Variants in UGGT1 observed in about 807,000 individuals in gnomAD.
UGGT1 encodes the protein UDP-glucose:glycoprotein glucosyltransferase 1.
Under a neutral mutation model 203.9 loss-of-function variants are expected in UGGT1, and 107 were observed. The ratio of observed to expected loss-of-function variants is 0.52; its 90% CI spans 0.45 to 0.62. UGGT1 has a LOEUF of 0.62. UGGT1 is among the 20% of genes least tolerant of loss of function. The pLI, the probability that UGGT1 is intolerant of heterozygous loss-of-function variation, is 0.00. For missense variants in UGGT1, 1,673 were observed against 1,867.2 expected, an observed-to-expected ratio of 0.90 and a Z score of 1.92; for synonymous variants, 628 against 653.5, an observed-to-expected ratio of 0.96 and a Z score of 0.59.
chr2:128,142,972 C>T (rs1375782404), intron 16 of UGGT1, 122 bp from the exon 17 acceptor site: 11 of 1,043,110 alleles, frequency 1.1e-5, no homozygotes, highest in South Asian at 8.2e-5. Context: ...AGCAAAACTC[C>T]GTCTCAAAAA....
intron 18 of UGGT1, among the ~76,000 whole-genome samples, chr2:128,147,043 A>T (rs1445372397): frequency 6.6e-6 from 1 of 152,202 alleles, no homozygotes; most frequent in Non-Finnish European, 1.5e-5. Flanking sequence ...ACCATGAATG[A>T]CAAAGACACT....
chr2:128,101,902 G>T (rs760579540), intron 2 of UGGT1, among the ~76,000 whole-genome samples: 16 of 152,092 alleles, frequency 1.1e-4, no homozygotes, highest in Non-Finnish European at 2.1e-4. Context: ...CTATCTTGTG[G>T]GCATTCATTC....
intron 3 of UGGT1, among the ~76,000 whole-genome samples, chr2:128,106,216 CTTTATT>C (rs1214301140): frequency 6.8e-6 from 1 of 147,730 alleles, no homozygotes; most frequent in Non-Finnish European, 1.5e-5. Flanking sequence ...TCAAAAAATA[CTTTATT>C]TTTAAGATTT....
At position 128,169,048 on chromosome 2, in the gene UGGT1, TAAAAAAAAAAAAAAA is replaced by T. The variant is rs544381740; in HGVS notation, c.2922-1211_2922-1197del. 6.1e-4 allele frequency among the ~76,000 whole-genome samples: 32 copies of T among 52,566 alleles called. 2 individuals are homozygous for T. Among genetic ancestry groups the T allele is most frequent in the East Asian group, 2.4e-3 (4 of 1,680 alleles). 34.5% of individuals were successfully genotyped at this position (52,566 alleles called of 152,430 possible). ...GGGTGAATGAGCGAGACTCTGTCTT[TAAAAAAAAAAAAAAA>T]AAAAAAAAAAAAAAAAAAAAAAAAA... On this transcript the variant is annotated intron_variant, in intron 26 of 40. Coordinates refer to ENST00000259253, the MANE Select transcript of UGGT1 (RefSeq NM_020120.4).
chr2:128,134,046 C>CA lies in UGGT1; in HGVS notation c.1497+786_1497+787insA, dbSNP rs980433927. On this transcript the variant is annotated intron_variant, in intron 14 of 40. Transcript: ENST00000259253. ...TTCTTGTCTGTCTCTTTTCTTCCCC[C>CA]CACTCCCGCAGAAAGAGTCTTGCTC... Among the ~76,000 whole-genome samples the CA allele has an allele frequency of 2.6e-5, 4 of 151,874 alleles. No homozygotes were observed. In the South Asian group the frequency reaches 6.3e-4, roughly 24 times the overall value.
rs1476159705 is a variant in UGGT1 at position 128,091,313 on chromosome 2, C to A, written c.-45C>A. ...CGCTGCCGCCTCGCCCCGCCCTGCCCTGGCGTTGTCTCTGGCACTGTGGCG... is the reference window on the plus strand; with the variant it reads ...CGCTGCCGCCTCGCCCCGCCCTGCCATGGCGTTGTCTCTGGCACTGTGGCG... On this transcript the variant is annotated 5_prime_UTR_variant, in exon 1 of 41. In the 5' UTR this introduces an upstream ATG that the reference lacks. Transcript: ENST00000259253. 1 of 1,524,936 alleles carries A rather than the reference C, an allele frequency of 6.6e-7. No individual in the cohort carries two copies. Among genetic ancestry groups the A allele is most frequent in the South Asian group, 1.2e-5 (1 of 82,766 alleles). 94.5% of individuals were successfully genotyped at this position (1,524,936 alleles called of 1,614,324 possible).
In UGGT1 at chr2:128,172,586, G is replaced by A. The variant is rs1691163784; in HGVS notation, c.3118G>A (p.Val1040Ile). ...TTTCAATTTCAGCTTTTACCGTTATGTCTTAGAACCAGAGATTTCTTTCAC... is the reference window on the plus strand; with the variant it reads ...TTTCAATTTCAGCTTTTACCGTTATATCTTAGAACCAGAGATTTCTTTCAC... ...DMPLKSFYRY[V>I]LEPEISFTSD... The change falls in exon 29 of 41, where the codon GTC (valine) becomes ATC (isoleucine). Residue 1040 changes from valine to isoleucine, a missense_variant. Val to Ile is a conservative substitution (Grantham distance 29, BLOSUM62 3). Coordinates refer to ENST00000259253, the MANE Select transcript of UGGT1 (RefSeq NM_020120.4). The A allele has an allele frequency of 3.1e-6, 5 of 1,613,864 alleles. No homozygotes were observed. Among genetic ancestry groups the A allele is most frequent in the South Asian group, 1.1e-5 (1 of 91,080 alleles).
intron 13 of UGGT1, among the ~76,000 whole-genome samples, chr2:128,130,014 A>G (rs1279396986): frequency 6.6e-6 from 1 of 152,138 alleles, no homozygotes; most frequent in Admixed American, 6.5e-5. Context: ...TAATCCCAGC[A>G]CTTTGGGAGG....
chr2:128,174,831 G>A lies in UGGT1; in HGVS notation c.3512G>A (p.Arg1171His), dbSNP rs928801898. The change falls in exon 31 of 41, where the codon CGC (arginine) becomes CAC (histidine). Residue 1171 changes from arginine to histidine, a missense_variant. Arg to His is a conservative substitution (Grantham distance 29). Around this residue, in one of 4 missense-constraint regions of UGGT1, gnomAD observed 513 missense variants for 684.1 expected, o/e 0.75. Transcript: ENST00000259253. Reference protein sequence around the residue: ...GAWILRLRKGRSEDIYRIYSH... With the variant: ...GAWILRLRKGHSEDIYRIYSH... ...TGGATCCTCAGACTTAGGAAGGGAC[G>A]CTCTGAAGATATTTATAGAATTTAC... 1.9e-6 allele frequency: 3 copies of A among 1,613,172 alleles called. No homozygotes were observed. The highest frequency in any genetic ancestry group is 1.6e-4 in the Middle Eastern group (1 of 6,082).
rs773070861 is a variant in UGGT1, at chr2:128,133,173, T to G, written c.1410T>G (p.Tyr470Ter). 8.7e-6 allele frequency: 14 copies of G among 1,614,038 alleles called. No individual in the cohort carries two copies. Among genetic ancestry groups the G allele is most frequent in the Non-Finnish European group, 1.2e-5 (14 of 1,179,984 alleles). ...WVNNLEVDSR[Y>*]NSWPSSLQEL... ...ACAACCTGGAGGTTGATAGCAGATA[T>G]AATTCGTGGCCTTCTAGTTTACAAG... Residue 470 changes from tyrosine (Y) to a stop codon, truncating the protein, a stop_gained, in exon 14 of 41, where the codon TAT (tyrosine) becomes TAG (stop). Transcript: ENST00000259253. LOFTEE classifies it high-confidence loss of function.
At chr2:128,117,985 TGTGTGTGTGAGAGA>T (rs376378148) in intron 8 of UGGT1, among the ~76,000 whole-genome samples, 45,638 of 143,926 alleles carry the variant, frequency 0.32, 8,480 homozygotes, top group East Asian at 0.56. Context: ...TGTCTGTGTG[TGTGTGTGTGAGAGA>T]GAGAGAGAGA....
At chr2:128,107,907 A>G in intron 3 of UGGT1, 31 bp from the exon 4 acceptor site, 4 of 1,613,652 alleles carry the variant, frequency 2.5e-6, no homozygotes, top group Non-Finnish European at 3.4e-6. Context: ...AGTCATACGC[A>G]ATTACTTTGG....
chr2:128,144,424 G>C (rs1236476468), intron 17 of UGGT1, among the ~76,000 whole-genome samples: 1 of 152,178 alleles, frequency 6.6e-6, no homozygotes, highest in Admixed American at 6.5e-5. Flanking sequence ...CTTCCACTCA[G>C]TTACTGTTTG....
rs764740269 is a variant in UGGT1 at position 128,187,563 on chromosome 2, A to G, written c.4591A>G (p.Lys1531Glu). ...GCTACAGATCCGCTTTCAGAAGGAG[A>G]AAGAAACGGGAGCACTGTACAAAGA... The part of the protein sequence containing the change: ...KQLQIRFQKE[K>E]ETGALYKEKT... Residue 1531 changes from lysine (K) to glutamate (E), a missense_variant, in exon 40 of 41, where the codon AAA (lysine) becomes GAA (glutamate). Physicochemically the swap from Lys to Glu is moderately conservative, Grantham distance 56. Coordinates refer to ENST00000259253, the MANE Select transcript of UGGT1 (RefSeq NM_020120.4). 1.2e-6 allele frequency: 2 copies of G among 1,614,138 alleles called. No homozygotes were observed.
chr2:128,156,441 A>C (rs1199490904), intron 21 of UGGT1, 26 bp downstream of exon 21: 7 of 1,549,314 alleles, frequency 4.5e-6, no homozygotes, highest in Admixed American at 1.7e-5. Flanking sequence ...AGAATGTTCT[A>C]TTTCTTAATT....
At chr2:128,115,378 T>A (rs1371919976) in intron 7 of UGGT1, among the ~76,000 whole-genome samples, 158 bp downstream of exon 7, 2 of 151,824 alleles carry the variant, frequency 1.3e-5, no homozygotes, top group Non-Finnish European at 2.9e-5. Context: ...GCAGATTCTC[T>A]AGATCCCAGT....
Position 128,195,673 on chromosome 2 carries a change from TA to T in UGGT1, c.*5935del, listed in dbSNP as rs1429780060. The stretch of plus-strand genomic sequence containing the variant: ...CACAGTAAACGTTTCCTCTCTTCTT[TA>T]AAACTGCGCAGTCATTTGGCCTTTG... On this transcript the variant is annotated 3_prime_UTR_variant, in exon 41 of 41. Transcript: ENST00000259253. The T allele has an allele frequency of 6.6e-6, 1 of 152,230 alleles. No individual in the cohort carries two copies. Among genetic ancestry groups the T allele is most frequent in the Non-Finnish European group, 1.5e-5 (1 of 68,050 alleles). 9.4% of individuals were successfully genotyped at this position (152,230 alleles called of 1,614,324 possible). A position where few individuals can be genotyped will look rare whatever the true frequency, so the allele number is the denominator to read the frequency against.
chr2:128,172,522 A>C (rs112139690), intron 28 of UGGT1, 51 bp from the exon 29 acceptor site: 1 of 1,588,630 alleles, frequency 6.3e-7, no homozygotes, highest in African/African-American at 1.3e-5. Flanking sequence ...TGTGCACTCA[A>C]GTCCTGTTGT....
intron 11 of UGGT1, among the ~76,000 whole-genome samples, chr2:128,124,672 T>C (rs1266451328): frequency 8.7e-6 from 1 of 114,904 alleles, no homozygotes; most frequent in African/African-American, 3.2e-5. Context: ...TTCTTTCCTA[T>C]TCTTTTCTCT....
Sources: gnomAD v4.1 joint callset for allele counts (sites outside exome capture counted in the v4.1 genomes callset) on GRCh38, gnomAD v4.1.1 for gene constraint, gnomAD v4.1.1 regional missense constraint, MANE v1.5 for transcripts, NCBI Gene and HGNC (gene_info 2026-07-23, HGNC 2026-07-21) for gene names.